Variants in PTPRD observed in about 807,000 individuals in gnomAD.
PTPRD encodes receptor-type tyrosine-protein phosphatase delta.
A neutral mutation model predicts 214.5 loss-of-function variants in PTPRD; 34 were observed. That is an observed-to-expected ratio of 0.16 (90% CI 0.12 to 0.21). PTPRD has a LOEUF of 0.21. PTPRD is among the 10% of genes least tolerant of loss of function. PTPRD has a pLI of 1.00. For synonymous variants in PTPRD, 1,128 were observed against 845.7 expected, an observed-to-expected ratio of 1.33 and a Z score of -5.79; for missense variants, 2,545 against 2,398.7, an observed-to-expected ratio of 1.06 and a Z score of -1.27.
At chr9:8,552,585 C>G (rs868076441) in intron 14 of PTPRD, among the ~76,000 whole-genome samples, 1 of 152,014 alleles carries the variant, frequency 6.6e-6, no homozygotes, top group African/African-American at 2.4e-5. Flanking sequence ...GGAGGCCAAG[C>G]AAATAGGAAA....
At chr9:10,426,206 C>T (rs2098613780) in intron 2 of PTPRD, among the ~76,000 whole-genome samples, 1 of 151,918 alleles carries the variant, frequency 6.6e-6, no homozygotes, top group South Asian at 2.1e-4. Context: ...GCAACTCTTG[C>T]TTTTTAAAAA....
chr9:8,707,372 G>A (rs2098232006), intron 12 of PTPRD, among the ~76,000 whole-genome samples: 1 of 152,200 alleles, frequency 6.6e-6, no homozygotes, highest in Admixed American at 6.5e-5. Flanking sequence ...ATGGACCAAA[G>A]ACAGGAACAT....
intron 25 of PTPRD, among the ~76,000 whole-genome samples, chr9:8,497,689 G>C (rs1157321473): frequency 6.6e-6 from 1 of 152,026 alleles, no homozygotes; most frequent in Admixed American, 6.6e-5. Context: ...TGAAATTTCA[G>C]TGAAGAGTCA....
At chr9:9,541,497 G>T (rs919526224) in intron 8 of PTPRD, among the ~76,000 whole-genome samples, 3 of 151,812 alleles carry the variant, frequency 2.0e-5, no homozygotes, top group African/African-American at 7.2e-5. Flanking sequence ...AGAAATGCCT[G>T]AACAACCAGA....
chr9:10,164,058 T>A (rs1460043982), intron 3 of PTPRD, among the ~76,000 whole-genome samples: 3 of 151,516 alleles, frequency 2.0e-5, no homozygotes, highest in East Asian at 3.9e-4. Flanking sequence ...TAGAAGAATA[T>A]CATCACTATT....
intron 11 of PTPRD, among the ~76,000 whole-genome samples, chr9:8,965,296 G>C (rs1421638935): frequency 6.6e-6 from 1 of 151,274 alleles, no homozygotes; most frequent in Non-Finnish European, 1.5e-5. Flanking sequence ...AGGAGAATCA[G>C]TTGAACCCGG....
At chr9:10,373,031 C>T (rs190684833) in intron 2 of PTPRD, among the ~76,000 whole-genome samples, 167 of 151,316 alleles carry the variant, frequency 1.1e-3, no homozygotes, top group African/African-American at 4.0e-3. Flanking sequence ...CAGGGTTTCA[C>T]CATGCCAACC....
At chr9:9,069,311 G>A (rs78374480) in intron 10 of PTPRD, among the ~76,000 whole-genome samples, 3,141 of 152,192 alleles carry the variant, frequency 0.021, 119 homozygotes, top group African/African-American at 0.071. Flanking sequence ...TACAAAAAAA[G>A]TATAAAGAAG....
At chr9:8,881,130 A>C (rs193293053) in intron 11 of PTPRD, among the ~76,000 whole-genome samples, 2 of 152,288 alleles carry the variant, frequency 1.3e-5, no homozygotes, top group African/African-American at 4.8e-5. Context: ...TCATTTATAC[A>C]TTCTGCCTAT....
intron 2 of PTPRD, among the ~76,000 whole-genome samples, chr9:10,435,749 G>T (rs1370712179): frequency 1.3e-5 from 2 of 151,736 alleles, no homozygotes; most frequent in African/African-American, 4.8e-5. Context: ...TATTTAATGA[G>T]GGTTACACAT....
intron 3 of PTPRD, among the ~76,000 whole-genome samples, chr9:10,186,451 C>A (rs569551829): frequency 6.6e-6 from 1 of 152,160 alleles, no homozygotes; most frequent in South Asian, 2.1e-4. Context: ...TAATGCAACA[C>A]TTGCAATTTG....
At chr9:10,383,084 G>A (rs1180773334) in intron 2 of PTPRD, among the ~76,000 whole-genome samples, 1 of 151,788 alleles carries the variant, frequency 6.6e-6, no homozygotes, top group Non-Finnish European at 1.5e-5. Context: ...ATACAAAGAA[G>A]GGACATGGAA....
chr9:9,504,334 T>C (rs558435771), intron 8 of PTPRD, among the ~76,000 whole-genome samples: 15 of 151,834 alleles, frequency 9.9e-5, no homozygotes, highest in Non-Finnish European at 1.8e-4. Context: ...ATATTCCAGA[T>C]ATAGAGATTT....
intron 8 of PTPRD, among the ~76,000 whole-genome samples, chr9:9,476,190 C>T (rs1046979597): frequency 2.0e-5 from 3 of 152,092 alleles, no homozygotes; most frequent in South Asian, 2.1e-4. Context: ...TCAGTTCAGC[C>T]GGCTGACTCC....
chr9:10,297,444 G>A (rs930400771), intron 3 of PTPRD, among the ~76,000 whole-genome samples: 1 of 151,918 alleles, frequency 6.6e-6, no homozygotes, highest in Non-Finnish European at 1.5e-5. Flanking sequence ...GCAGAGGTTA[G>A]GCAAACATAC....
chr9:8,405,640 T>C (rs1223682128), intron 35 of PTPRD, among the ~76,000 whole-genome samples: 1 of 152,168 alleles, frequency 6.6e-6, no homozygotes, highest in Admixed American at 6.6e-5. Context: ...AGATTTATAA[T>C]TTCATTGTTA....
In PTPRD at chr9:9,412,064, G is replaced by A. The variant is rs188446574; in HGVS notation, c.-236-14582C>T. The stretch of plus-strand genomic sequence containing the variant: ...CTATGCCTAGATGTCTGAGCCAGCA[G>A]AGTAGAAAAAAGCGATTATACAGCC... On this transcript the variant is annotated intron_variant, in intron 8 of 45. Transcript: ENST00000381196. Among the ~76,000 whole-genome samples, 207 of 152,256 alleles carry A rather than the reference G, an allele frequency of 1.4e-3. 2 individuals are homozygous for A. The highest frequency in any genetic ancestry group is 4.8e-3 in the African/African-American group (199 of 41,560).
At chr9:8,804,434 C>A (rs1190537267) in intron 11 of PTPRD, among the ~76,000 whole-genome samples, 1 of 149,978 alleles carries the variant, frequency 6.7e-6, no homozygotes, top group East Asian at 2.0e-4. Flanking sequence ...TCCGTCTCTA[C>A]AAAAAAAAAT....
chr9:10,365,063 C>T (rs976562760), intron 2 of PTPRD, among the ~76,000 whole-genome samples: 3 of 152,080 alleles, frequency 2.0e-5, no homozygotes, highest in Non-Finnish European at 4.4e-5. Flanking sequence ...TCAAAGTGTA[C>T]CAACCAATAT....
Sources: gnomAD v4.1 joint callset for allele counts (sites outside exome capture counted in the v4.1 genomes callset) on GRCh38, gnomAD v4.1.1 for gene constraint, MANE v1.5 for transcripts, NCBI Gene and HGNC (gene_info 2026-07-23, HGNC 2026-07-21) for gene names.